ANK2: variants seen among roughly 807,000 people sequenced by gnomAD.
ANK2 encodes ankyrin-2.
A neutral mutation model predicts 360.5 loss-of-function variants in ANK2; 83 were observed. That is an observed-to-expected ratio of 0.23 (90% CI 0.19 to 0.28). The LOEUF is 0.28. Among genes scored for constraint, ANK2 ranks in the 10% least tolerant of loss-of-function variants. The pLI is 1.00. For missense variants in ANK2, 4,201 were observed against 4,795.7 expected (o/e 0.88, Z 3.66); for synonymous variants, 1,740 against 1,759.5 (o/e 0.99, Z 0.28).
chr4:112,760,091 G>A, the ANK2 span, among the ~76,000 whole-genome samples: 2 of 152,120 alleles, frequency 1.3e-5, no homozygotes, highest in Admixed American at 6.5e-5. Flanking sequence ...ATAAATCAAT[G>A]GTTGACTGTT....
At chr4:113,122,619 C>T (rs528364348) in intron 1 of ANK2, among the ~76,000 whole-genome samples, 8 of 152,150 alleles carry the variant, frequency 5.3e-5, no homozygotes, top group African/African-American at 1.9e-4. Flanking sequence ...GACAGATGCT[C>T]TTCTTATGTC....
chr4:113,245,450 G>T (rs1057187682), intron 9 of ANK2, among the ~76,000 whole-genome samples: 1 of 152,138 alleles, frequency 6.6e-6, no homozygotes, highest in Non-Finnish European at 1.5e-5. Context: ...AGTTCTGCAG[G>T]GCTGGGGAGG....
At chr4:112,940,592 T>G (rs918520664) in intron 2 of ANK2, among the ~76,000 whole-genome samples, 11 of 152,176 alleles carry the variant, frequency 7.2e-5, no homozygotes, top group African/African-American at 2.7e-4. Flanking sequence ...AGAGGCATTG[T>G]GTAGAAAATT....
chr4:112,718,617 T>C, the ANK2 span, among the ~76,000 whole-genome samples: 4 of 151,984 alleles, frequency 2.6e-5, no homozygotes, highest in African/African-American at 9.7e-5. Flanking sequence ...CCTGGCCTAC[T>C]TCTTAGCAGT....
chr4:113,009,388 G>C (rs573260731), intron 2 of ANK2, among the ~76,000 whole-genome samples: 14 of 151,998 alleles, frequency 9.2e-5, no homozygotes, highest in Admixed American at 2.6e-4. Context: ...TACCTTTTTA[G>C]TTGAAATACT....
intron 1 of ANK2, among the ~76,000 whole-genome samples, chr4:112,891,462 C>T (rs965078141): frequency 2.0e-5 from 3 of 152,094 alleles, no homozygotes; most frequent in Admixed American, 6.5e-5. Flanking sequence ...TAATTATGCA[C>T]GGAGAAAGCA....
At chr4:112,800,278 A>AT in the ANK2 span, among the ~76,000 whole-genome samples, 1 of 151,996 alleles carries the variant, frequency 6.6e-6, no homozygotes, top group Non-Finnish European at 1.5e-5. Context: ...TTCAGACTAC[A>AT]TTTTTTCAAC....
Position 113,267,080 on chromosome 4 carries a change from C to T in ANK2, c.1485+2085C>T, listed in dbSNP as rs576481639. Among the ~76,000 whole-genome samples the T allele has an allele frequency of 7.2e-5, 11 of 152,220 alleles. 2 individuals are homozygous for T. The South Asian group carries it at 1.2e-3, about 17-fold the overall frequency. On this transcript the variant is annotated intron_variant, in intron 14 of 45. Coordinates refer to ENST00000357077, the MANE Select transcript of ANK2 (RefSeq NM_001148.6). ...AAAAGTGTCTGTTCATATCCTTCGC[C>T]GACTTTTCAATGGGGTTGTATGTTT...
the ANK2 span, among the ~76,000 whole-genome samples, chr4:112,758,351 C>A: frequency 6.6e-6 from 1 of 152,116 alleles, no homozygotes; most frequent in Non-Finnish European, 1.5e-5. Flanking sequence ...GCTGCATAAT[C>A]TTTCAGCAGG....
At chr4:113,287,434 C>T (rs371720652) in intron 18 of ANK2, among the ~76,000 whole-genome samples, 171 bp from the exon 19 acceptor site, 1 of 152,280 alleles carries the variant, frequency 6.6e-6, no homozygotes, top group East Asian at 1.9e-4. Flanking sequence ...TTAGAGGAAA[C>T]ACCATTAATT....
At chr4:112,839,709 T>C (rs1452712068) in intron 1 of ANK2, among the ~76,000 whole-genome samples, 1 of 152,184 alleles carries the variant, frequency 6.6e-6, no homozygotes, top group Admixed American at 6.5e-5. Context: ...TTTTTTCAAT[T>C]GTTTTACAAT....
intron 2 of ANK2, among the ~76,000 whole-genome samples, chr4:112,943,467 T>C (rs955958509): frequency 6.6e-6 from 1 of 151,964 alleles, no homozygotes; most frequent in Non-Finnish European, 1.5e-5. Context: ...AGATTCCTGT[T>C]ACTGATCTCT....
At chr4:112,946,983 A>G (rs1436789125) in intron 2 of ANK2, among the ~76,000 whole-genome samples, 1 of 152,204 alleles carries the variant, frequency 6.6e-6, no homozygotes, top group Non-Finnish European at 1.5e-5. Context: ...TATTTTCTAG[A>G]CAACCTTTGC....
intron 35 of ANK2, 118 bp from the exon 36 acceptor site, chr4:113,348,158 T>C: frequency 2.0e-6 from 2 of 982,038 alleles, no homozygotes; most frequent in Middle Eastern, 2.1e-4. Flanking sequence ...GTTGACTGTA[T>C]GCTTGCCTGT....
At chr4:113,020,343 C>A (rs1221587563) in intron 2 of ANK2, among the ~76,000 whole-genome samples, 1 of 152,018 alleles carries the variant, frequency 6.6e-6, no homozygotes, top group Non-Finnish European at 1.5e-5. Context: ...AATGCTACTG[C>A]CCCAAGCTAA....
the ANK2 span, among the ~76,000 whole-genome samples, chr4:112,748,334 C>T: frequency 1.3e-5 from 2 of 152,172 alleles, no homozygotes; most frequent in East Asian, 3.9e-4. Context: ...TCAGGGTCCT[C>T]AAGCAGTGGT....
At chr4:112,956,030 ACAG>A (rs1207956898) in intron 2 of ANK2, among the ~76,000 whole-genome samples, 1 of 152,226 alleles carries the variant, frequency 6.6e-6, no homozygotes, top group Non-Finnish European at 1.5e-5. Flanking sequence ...CACATTTTAT[ACAG>A]TAGTCCCCTC....
chr4:112,727,475 A>T, the ANK2 span, among the ~76,000 whole-genome samples: 6 of 151,824 alleles, frequency 4.0e-5, no homozygotes, highest in Non-Finnish European at 8.8e-5. Context: ...TATTATTTTT[A>T]AATTTAAATT....
intron 2 of ANK2, among the ~76,000 whole-genome samples, chr4:112,942,842 G>GA (rs1400159844): frequency 6.6e-6 from 1 of 151,222 alleles, no homozygotes; most frequent in Non-Finnish European, 1.5e-5. Flanking sequence ...AATATATTAA[G>GA]AAAAAAAATT....
Sources: allele counts gnomAD v4.1 joint callset (sites outside exome capture counted in the v4.1 genomes callset), GRCh38; gene constraint gnomAD v4.1.1; transcripts MANE v1.5; gene names NCBI Gene and HGNC (gene_info 2026-07-23, HGNC 2026-07-21).